MDM1: variants seen among roughly 807,000 people sequenced by gnomAD.
MDM1 encodes Mdm1 nuclear protein.
Under a neutral mutation model 89.1 loss-of-function variants are expected in MDM1, and 61 were observed. That is an observed-to-expected ratio of 0.68 (90% confidence interval 0.56 to 0.85). MDM1 has a LOEUF of 0.85. Ranked by LOEUF, MDM1 falls within the 40% of genes least tolerant of loss-of-function variation. The pLI, the probability that MDM1 is intolerant of heterozygous loss-of-function variation, is 0.00. For missense variants in MDM1, 820 were observed against 846.5 expected (o/e 0.97, Z 0.39); for synonymous variants, 290 against 294.1 (o/e 0.99, Z 0.14).
Position 68,323,110 on chromosome 12 carries a change from T to C in MDM1, c.764A>G (p.Glu255Gly). 6.2e-7 allele frequency: 1 copy of C among 1,608,778 alleles called. No homozygotes were observed. Residue 255 changes from glutamate to glycine, a missense_variant, in exon 5 of 15, where the codon GAA becomes GGA. By Grantham distance (98) the Glu-to-Gly change is moderately conservative. Transcript: ENST00000682720. ...KEPKLRNDLR[E>G]NRNLETVSPE... ...AGACACTGTTTCAAGATTTCTGTTT[T>C]CTCTCAAATCATTTCTTAATTTTGG...
intron 12 of MDM1, among the ~76,000 whole-genome samples, chr12:68,305,657 C>T (rs538492606): frequency 2.0e-5 from 3 of 151,912 alleles, no homozygotes; most frequent in South Asian, 2.1e-4. Context: ...TTACAATGGC[C>T]CCCCAAAAAT....
At position 68,327,003 on chromosome 12, in the gene MDM1, C is replaced by A. The variant is rs757274716; in HGVS notation, c.152G>T (p.Ser51Ile). The A allele has an allele frequency of 4.4e-6, 7 of 1,596,678 alleles. No homozygotes were observed. The highest frequency in any genetic ancestry group is 6.0e-6 in the Non-Finnish European group (7 of 1,174,724). The change falls in exon 3 of 15, where the codon AGT becomes ATT. Residue 51 changes from serine to isoleucine, a missense_variant. Ser to Ile is a moderately radical substitution (Grantham distance 142). Transcript: ENST00000682720. ...SDQLGITKEP[S>I]FISKRRVPYH... ...AGGGACTCTTCTTTTTGAAATAAAA[C>A]TTGGCTCTTTCGTGATGCCTACAAA... is the stretch of plus-strand genomic sequence containing the variant.
chr12:68,302,549 T>C (rs1466644218), intron 13 of MDM1, 71 bp downstream of exon 13: 40 of 1,274,266 alleles, frequency 3.1e-5, no homozygotes, highest in Admixed American at 2.5e-5. Flanking sequence ...ATAAAATGCA[T>C]TCTTAGACTT....
chr12:68,317,272 C>T (rs1294635398), intron 7 of MDM1, among the ~76,000 whole-genome samples: 1 of 151,984 alleles, frequency 6.6e-6, no homozygotes, highest in Non-Finnish European at 1.5e-5. Flanking sequence ...AAGTACAATT[C>T]CACAATGTAA....
chr12:68,313,992 C>T (rs1471356675), intron 10 of MDM1, among the ~76,000 whole-genome samples: 10 of 152,038 alleles, frequency 6.6e-5, no homozygotes, highest in Non-Finnish European at 1.5e-4. Context: ...ACAAAATTAG[C>T]TGGGTGTGGT....
At chr12:68,312,002 C>T (rs575253553) in intron 12 of MDM1, among the ~76,000 whole-genome samples, 100 of 152,286 alleles carry the variant, frequency 6.6e-4, no homozygotes, top group African/African-American at 2.1e-3. Context: ...ATACCAGTCT[C>T]GTTTGTCACC....
chr12:68,310,169 C>T (rs1219431020), intron 12 of MDM1, among the ~76,000 whole-genome samples: 1 of 152,164 alleles, frequency 6.6e-6, no homozygotes, highest in Non-Finnish European at 1.5e-5. Flanking sequence ...CAAGATTTCC[C>T]CATGTTGGCC....
intron 13 of MDM1, 41 bp from the exon 14 acceptor site, chr12:68,297,023 C>G: frequency 6.9e-7 from 1 of 1,451,592 alleles, no homozygotes; most frequent in Non-Finnish European, 9.4e-7. Context: ...CTTCAAAAGC[C>G]ACTGAACAGC....
intron 1 of MDM1, 88 bp downstream of exon 1, chr12:68,332,140 G>C: frequency 6.7e-7 from 1 of 1,494,304 alleles, no homozygotes; most frequent in Non-Finnish European, 9.0e-7. Flanking sequence ...GGGCTGCAGC[G>C]CAGAAAAGCA....
rs1318158014 is a variant in MDM1 at position 68,319,842 on chromosome 12, G to GA, written c.1005+1504dup. On this transcript the variant is annotated intron_variant, in intron 7 of 14. Transcript: ENST00000682720. ...AACCTTGAAAAGTCTATCTTAAATT[G>GA]ACAACAACAATGTTCTCTTCCATCA... 2.6e-5 allele frequency among the ~76,000 whole-genome samples: 4 copies of GA among 152,134 alleles called. No homozygotes were observed. The East Asian group carries it at 7.7e-4, about 29-fold the overall frequency.
chr12:68,325,066 C>G (rs1232995643), intron 4 of MDM1: 10 of 961,572 alleles, frequency 1.0e-5, no homozygotes, highest in Non-Finnish European at 1.2e-5. Flanking sequence ...TCTTAGAATA[C>G]AGGAAACACG....
intron 7 of MDM1, 122 bp from the exon 8 acceptor site, chr12:68,316,732 T>G: frequency 2.4e-6 from 2 of 819,540 alleles, no homozygotes; most frequent in Non-Finnish European, 3.8e-6. Flanking sequence ...CAATCAATAT[T>G]TCTTGGGATT....
Position 68,332,297 on chromosome 12 carries a change from C to A in MDM1, c.-52G>T. ...CTCCGACAGTTAACTGGAGAAAAAG[C>A]TCCGAGGGGGCGGGGCGATAACAGT... is the stretch of plus-strand genomic sequence containing the variant. On this transcript the variant is annotated 5_prime_UTR_variant, in exon 1 of 15. Coordinates refer to ENST00000682720, the MANE Select transcript of MDM1 (RefSeq NM_001354969.2). The A allele has an allele frequency of 6.5e-7, 1 of 1,548,006 alleles. No homozygotes were observed.
At chr12:68,314,606 C>G (rs1874203310) in intron 10 of MDM1, among the ~76,000 whole-genome samples, 1 of 152,184 alleles carries the variant, frequency 6.6e-6, no homozygotes, top group Non-Finnish European at 1.5e-5. Context: ...GTAGAATCAT[C>G]TGATATTAAA....
chr12:68,328,464 T>G (rs931474852), intron 2 of MDM1, among the ~76,000 whole-genome samples: 4 of 152,226 alleles, frequency 2.6e-5, no homozygotes, highest in Non-Finnish European at 5.9e-5. Context: ...TTGAATGGGC[T>G]AAATTGGCAA....
chr12:68,315,176 T>C lies in MDM1; in HGVS notation c.1301A>G (p.Asn434Ser). ...GNIVEEQPQKNTTEKLGVSAP... is the reference protein window; with the variant it reads ...GNIVEEQPQKSTTEKLGVSAP... Reference sequence around the variant, plus strand: ...TGACACACCCAATTTCTCCGTGGTATTTTTCTGGGGCTGTTCTTCCACGAT... The same window carrying C: ...TGACACACCCAATTTCTCCGTGGTACTTTTCTGGGGCTGTTCTTCCACGAT... The change falls in exon 10 of 15, where the codon AAT (asparagine) becomes AGT (serine). Residue 434 changes from asparagine to serine, a missense_variant. Transcript: ENST00000682720. 1.2e-6 allele frequency: 2 copies of C among 1,614,232 alleles called. No individual in the cohort carries two copies. Among genetic ancestry groups the C allele is most frequent in the Non-Finnish European group, 1.7e-6 (2 of 1,180,040 alleles).
At chr12:68,316,013 A>G (rs764362941) in intron 9 of MDM1, 65 bp downstream of exon 9, 279 of 1,362,954 alleles carry the variant, frequency 2.0e-4, no homozygotes, top group Middle Eastern at 6.1e-4. Context: ...TCATTTTCCT[A>G]TATCATTCTA....
chr12:68,326,754 A>T lies in MDM1; in HGVS notation c.401T>A (p.Val134Glu). ...GTTTGTTACACCCTCATTATTTTCC[A>T]CATCTGAAGCCCCTTCAGCTCTGGA... is the stretch of plus-strand genomic sequence containing the variant. ...ADSRAEGASD[V>E]ENNEGVTNHT... The change falls in exon 3 of 15, where the codon GTG (valine) becomes GAG (glutamate). Residue 134 changes from valine (V) to glutamate (E), a missense_variant. By Grantham distance (121) the Val-to-Glu change is moderately radical. Coordinates refer to ENST00000682720, the MANE Select transcript of MDM1 (RefSeq NM_001354969.2). The T allele has an allele frequency of 6.2e-7, 1 of 1,614,104 alleles. No individual in the cohort carries two copies. Among genetic ancestry groups the T allele is most frequent in the Admixed American group, 1.7e-5 (1 of 60,010 alleles).
intron 12 of MDM1, among the ~76,000 whole-genome samples, chr12:68,305,948 T>G (rs975703009): frequency 9.1e-6 from 1 of 109,846 alleles, no homozygotes; most frequent in South Asian, 2.7e-4. Context: ...AAAGCAATCC[T>G]AAGCAAAAAA....
Sources: allele counts gnomAD v4.1 joint callset (sites outside exome capture counted in the v4.1 genomes callset), GRCh38; gene constraint gnomAD v4.1.1; transcripts MANE v1.5; gene names NCBI Gene and HGNC (gene_info 2026-07-23, HGNC 2026-07-21).